Variants in TAB2 observed in about 807,000 individuals in gnomAD.
TAB2 encodes TGF-beta-activated kinase 1 and MAP3K7-binding protein 2.
In TAB2, 3 loss-of-function variants were observed where a neutral mutation model predicts 65.0. That is an observed-to-expected ratio of 0.05 (90% CI 0.02 to 0.12). The LOEUF (loss-of-function observed/expected upper bound fraction) is 0.12, where lower values mean the gene tolerates loss of function less well. Ranked by LOEUF, TAB2 falls within the 10% of genes least tolerant of loss-of-function variation. The pLI, the probability that TAB2 is intolerant of heterozygous loss-of-function variation, is 1.00. For missense variants in TAB2, 623 were observed against 840.3 expected (o/e 0.74, Z 3.20); for synonymous variants, 298 against 285.1 (o/e 1.05, Z -0.46).
At chr6:149,262,082 T>G (rs1001826613) in intron 1 of TAB2, among the ~76,000 whole-genome samples, 2 of 152,156 alleles carry the variant, frequency 1.3e-5, no homozygotes, top group African/African-American at 4.8e-5. Context: ...GGGAAATAGA[T>G]CTAGTGGAAA....
chr6:149,357,392 G>A (rs1583119238), intron 1 of TAB2, among the ~76,000 whole-genome samples: 1 of 140,962 alleles, frequency 7.1e-6, no homozygotes, highest in Middle Eastern at 3.9e-3. Context: ...CTCCAGCCTG[G>A]GCAATAGAGG....
chr6:149,367,057 AAT>A (rs1273039074), intron 1 of TAB2, among the ~76,000 whole-genome samples: 3 of 152,214 alleles, frequency 2.0e-5, no homozygotes, highest in African/African-American at 7.2e-5. Flanking sequence ...TTATTCAACA[AAT>A]ATGTTGCATC....
intron 1 of TAB2, among the ~76,000 whole-genome samples, chr6:149,325,347 A>G (rs1583090086): frequency 6.6e-6 from 1 of 152,328 alleles, no homozygotes; most frequent in East Asian, 1.9e-4. Flanking sequence ...GTAATTTTAC[A>G]TTTGGAATTT....
chr6:149,391,765 T>A (rs983818914), intron 3 of TAB2, among the ~76,000 whole-genome samples: 7 of 152,008 alleles, frequency 4.6e-5, no homozygotes, highest in Non-Finnish European at 7.4e-5. Flanking sequence ...CTGGTGAAAC[T>A]CCTGGGCTCA....
chr6:149,252,130 G>T (rs1313164485), intron 1 of TAB2, among the ~76,000 whole-genome samples: 1 of 152,138 alleles, frequency 6.6e-6, no homozygotes, highest in Non-Finnish European at 1.5e-5. Context: ...GGGCAGGCCG[G>T]GTGCAGTGGC....
intron 1 of TAB2, among the ~76,000 whole-genome samples, chr6:149,283,836 G>A (rs1230785368): frequency 6.6e-6 from 1 of 152,154 alleles, no homozygotes; most frequent in Non-Finnish European, 1.5e-5. Flanking sequence ...AATTACATGT[G>A]TGTATTACTT....
intron 1 of TAB2, among the ~76,000 whole-genome samples, chr6:149,352,494 T>C (rs1040721259): frequency 6.6e-6 from 1 of 152,250 alleles, no homozygotes; most frequent in African/African-American, 2.4e-5. Flanking sequence ...ATAATCTTTT[T>C]ATTTCATTGC....
At chr6:149,328,732 CAT>C (rs144103027) in intron 1 of TAB2, among the ~76,000 whole-genome samples, 21 of 152,280 alleles carry the variant, frequency 1.4e-4, no homozygotes, top group East Asian at 3.9e-4. Flanking sequence ...TATACAAACA[CAT>C]GTGATATACT....
intron 1 of TAB2, among the ~76,000 whole-genome samples, chr6:149,357,433 ACAC>A (rs1780700087): frequency 1.4e-5 from 2 of 138,798 alleles, no homozygotes; most frequent in South Asian, 4.8e-4. Context: ...AAAAAAAAAC[ACAC>A]ACACACACAC....
chr6:149,275,234 GAGAAAGAAAGAA>G (rs746637120), intron 1 of TAB2, among the ~76,000 whole-genome samples: 4,914 of 65,280 alleles, frequency 0.075, 127 homozygotes, highest in Middle Eastern at 0.11. Context: ...GGGAGAGAGA[GAGAAAGAAAGAA>G]AGAAAGAAAG....
chr6:149,349,737 G>A (rs1358222797), intron 1 of TAB2, among the ~76,000 whole-genome samples: 3 of 152,116 alleles, frequency 2.0e-5, no homozygotes, highest in Non-Finnish European at 4.4e-5. Flanking sequence ...TGAGGTTAAG[G>A]GAAACGCTTG....
At chr6:149,338,367 C>T (rs897459251) in intron 1 of TAB2, among the ~76,000 whole-genome samples, 2 of 152,126 alleles carry the variant, frequency 1.3e-5, no homozygotes, top group East Asian at 3.9e-4. Context: ...CTGTAATAAC[C>T]ATTGAGGAGA....
At chr6:149,382,469 G>C (rs1363991152) in intron 3 of TAB2, among the ~76,000 whole-genome samples, 1 of 152,042 alleles carries the variant, frequency 6.6e-6, no homozygotes, top group Non-Finnish European at 1.5e-5. Context: ...GGTGGCAGAC[G>C]CCTGTAATCC....
At chr6:149,385,518 G>A (rs1781762165) in intron 3 of TAB2, among the ~76,000 whole-genome samples, 6 of 152,130 alleles carry the variant, frequency 3.9e-5, no homozygotes, top group Admixed American at 3.9e-4. Flanking sequence ...AATAAACTCA[G>A]CAATTAAGAT....
intron 3 of TAB2, among the ~76,000 whole-genome samples, chr6:149,380,474 A>G (rs1781570254): frequency 9.1e-6 from 1 of 110,182 alleles, no homozygotes; most frequent in South Asian, 2.9e-4. Context: ...TCTGAAATAG[A>G]CTATTTGATA....
intron 2 of TAB2, among the ~76,000 whole-genome samples, chr6:149,376,099 G>GCCC (rs1781387321): frequency 6.6e-6 from 1 of 151,838 alleles, no homozygotes; most frequent in Admixed American, 6.5e-5. Context: ...AATCTTCCAG[G>GCCC]CTTATTTGAA....
At chr6:149,249,711 C>G (rs1013410606) in intron 1 of TAB2, among the ~76,000 whole-genome samples, 1 of 152,086 alleles carries the variant, frequency 6.6e-6, no homozygotes, top group Non-Finnish European at 1.5e-5. Context: ...CCCTCACTCT[C>G]AGGCTCCCGC....
At chr6:149,377,646 A>G (rs1483502719) in intron 2 of TAB2, among the ~76,000 whole-genome samples, 1 of 152,202 alleles carries the variant, frequency 6.6e-6, no homozygotes, top group Non-Finnish European at 1.5e-5. Flanking sequence ...TTTTTAAAAA[A>G]TGTTTGATTA....
chr6:149,370,963 G>T (rs1380571846), intron 2 of TAB2, among the ~76,000 whole-genome samples: 1 of 147,594 alleles, frequency 6.8e-6, no homozygotes, highest in African/African-American at 2.5e-5. Flanking sequence ...CTACTCAGAA[G>T]ACTGAAGCAT....
Sources: gnomAD v4.1 joint callset for allele counts (sites outside exome capture counted in the v4.1 genomes callset) on GRCh38, gnomAD v4.1.1 for gene constraint, MANE v1.5 for transcripts, NCBI Gene and HGNC (gene_info 2026-07-23, HGNC 2026-07-21) for gene names.